Variants in CNTNAP5 observed in about 807,000 individuals in gnomAD.
The protein encoded by CNTNAP5 is contactin associated protein family member 5.
In CNTNAP5, 72 loss-of-function variants were observed where a neutral mutation model predicts 150.2. The observed-to-expected ratio is 0.48, with a 90% CI of 0.40 to 0.58. The LOEUF is 0.58. Among genes scored for constraint, CNTNAP5 ranks in the 20% least tolerant of loss-of-function variants. The probability of loss-of-function intolerance (pLI) is 0.00; values close to 1 mark genes in which losing one functional copy is unlikely to be tolerated. For synonymous variants in CNTNAP5, 672 were observed against 619.8 expected (o/e 1.08, Z -1.25); for missense variants, 1,636 against 1,626.2 (o/e 1.01, Z -0.10).
intron 11 of CNTNAP5, among the ~76,000 whole-genome samples, chr2:124,574,200 G>A (rs1158686712): frequency 1.3e-5 from 2 of 152,064 alleles, no homozygotes; most frequent in Non-Finnish European, 2.9e-5. Context: ...TTGCGGGGGG[G>A]ACGGGGGATA....
intron 1 of CNTNAP5, among the ~76,000 whole-genome samples, chr2:124,039,668 G>A (rs557971252): frequency 3.0e-4 from 45 of 152,136 alleles, no homozygotes; most frequent in African/African-American, 6.0e-4. Context: ...TGTTTACTTC[G>A]GGTGCCATTC....
At chr2:124,049,587 T>A (rs553308377) in intron 1 of CNTNAP5, among the ~76,000 whole-genome samples, 1 of 152,328 alleles carries the variant, frequency 6.6e-6, no homozygotes, top group East Asian at 1.9e-4. Context: ...CATCTGAATT[T>A]AAACACAGGC....
chr2:124,576,172 ATAT>A (rs1696279161), intron 11 of CNTNAP5, among the ~76,000 whole-genome samples: 1 of 149,056 alleles, frequency 6.7e-6, no homozygotes, highest in African/African-American at 2.5e-5. Flanking sequence ...CTATATCTAT[ATAT>A]ATGTGCAGAA....
chr2:124,914,083 T>A lies in CNTNAP5; in HGVS notation c.3728-9T>A. ...TTTCCTTCTCTCTTTCCTTCCCCTT[T>A]CTCTCCAGGGGTGATAGCAGTGGTG... is the stretch of plus-strand genomic sequence containing the variant. On this transcript the variant is annotated splice_polypyrimidine_tract_variant and intron_variant, in intron 23 of 23. Transcript: ENST00000682447. 1 of 1,600,328 alleles carries A rather than the reference T, an allele frequency of 6.2e-7. No individual in the cohort carries two copies. The highest frequency in any genetic ancestry group is 8.5e-7 in the Non-Finnish European group (1 of 1,170,170).
rs1418679816 is a variant in CNTNAP5 at position 124,033,597 on chromosome 2, A to AG, written c.82+7866dup. Among the ~76,000 whole-genome samples the AG allele has an allele frequency of 2.0e-5, 3 of 152,212 alleles. No homozygotes were observed. The East Asian group carries it at 5.8e-4, about 29-fold the overall frequency. ...AAGGGTAAGAAGTCTTTGAGATTCC[A>AG]GTGCTGCCTTGCTAAACAACATGGG... On this transcript the variant is annotated intron_variant, in intron 1 of 23. Transcript: ENST00000682447.
At chr2:124,807,847 G>C (rs1287092064) in intron 19 of CNTNAP5, among the ~76,000 whole-genome samples, 1 of 152,002 alleles carries the variant, frequency 6.6e-6, no homozygotes, top group South Asian at 2.1e-4. Context: ...TCAAGAGAGG[G>C]GCCAGGCAGA....
At chr2:124,270,720 T>G (rs140816431) in intron 3 of CNTNAP5, among the ~76,000 whole-genome samples, 2 of 152,174 alleles carry the variant, frequency 1.3e-5, no homozygotes, top group Non-Finnish European at 2.9e-5. Context: ...TGTGTGTGTT[T>G]TAGGCCAAGA....
At chr2:124,242,850 G>T (rs1226702141) in intron 3 of CNTNAP5, among the ~76,000 whole-genome samples, 7 of 152,100 alleles carry the variant, frequency 4.6e-5, no homozygotes, top group Admixed American at 4.6e-4. Flanking sequence ...ATTGTGACTT[G>T]GTAATCTTTA....
chr2:124,839,816 C>T (rs2104691139), intron 19 of CNTNAP5, among the ~76,000 whole-genome samples: 1 of 152,238 alleles, frequency 6.6e-6, no homozygotes, highest in East Asian at 1.9e-4. Context: ...CTAGAATGTA[C>T]TGTCAATTGT....
chr2:124,567,179 C>T (rs930943848), intron 11 of CNTNAP5, among the ~76,000 whole-genome samples: 15 of 152,026 alleles, frequency 9.9e-5, no homozygotes, highest in Non-Finnish European at 2.9e-5. Flanking sequence ...TTTTGTCCAG[C>T]CTTTGTGGAT....
At chr2:124,217,665 T>C (rs993701052) in intron 1 of CNTNAP5, among the ~76,000 whole-genome samples, 10 of 152,212 alleles carry the variant, frequency 6.6e-5, no homozygotes, top group African/African-American at 2.4e-4. Flanking sequence ...CTATTTATGA[T>C]ACCAATTTGT....
chr2:124,182,926 C>A (rs1685243639), intron 1 of CNTNAP5, among the ~76,000 whole-genome samples: 1 of 152,156 alleles, frequency 6.6e-6, no homozygotes, highest in African/African-American at 2.4e-5. Context: ...TTACAGTTTG[C>A]CTTCCTTACC....
Position 124,229,894 on chromosome 2 carries a change from T to A in CNTNAP5, c.187+8085T>A, listed in dbSNP as rs540204839. On this transcript the variant is annotated intron_variant, in intron 2 of 23. Transcript: ENST00000682447. ...GAGAGGTTTGTATTTTTCTATTGCA[T>A]GTTTTTTTTTTCCAAATAGAGTTTG... 2.1e-5 allele frequency among the ~76,000 whole-genome samples: 3 copies of A among 145,186 alleles called. No homozygotes were observed. The East Asian group carries it at 6.2e-4, about 30-fold the overall frequency.
At chr2:124,106,403 G>A (rs2420554) in intron 1 of CNTNAP5, among the ~76,000 whole-genome samples, 1 of 152,062 alleles carries the variant, frequency 6.6e-6, no homozygotes. Flanking sequence ...CTTTAAGCCC[G>A]ACCTCCCAAC....
intron 19 of CNTNAP5, among the ~76,000 whole-genome samples, chr2:124,843,018 C>G (rs1340609869): frequency 6.6e-6 from 1 of 151,980 alleles, no homozygotes; most frequent in Admixed American, 6.6e-5. Context: ...AAGCATTGTA[C>G]ATGGTACCCA....
At chr2:124,503,450 C>T (rs527771333) in intron 7 of CNTNAP5, among the ~76,000 whole-genome samples, 38 of 152,282 alleles carry the variant, frequency 2.5e-4, no homozygotes, top group African/African-American at 8.9e-4. Context: ...CTTGTGGGAT[C>T]CTTACCTTTT....
At chr2:124,587,320 G>T (rs895713079) in intron 11 of CNTNAP5, among the ~76,000 whole-genome samples, 3 of 152,092 alleles carry the variant, frequency 2.0e-5, no homozygotes, top group Admixed American at 6.6e-5. Context: ...ATTTGAAATG[G>T]ATTACAATGA....
intron 1 of CNTNAP5, among the ~76,000 whole-genome samples, chr2:124,079,606 A>C (rs1682514236): frequency 6.6e-6 from 1 of 152,204 alleles, no homozygotes; most frequent in African/African-American, 2.4e-5. Context: ...GTGAGACTTG[A>C]CTAGCATTTT....
intron 3 of CNTNAP5, among the ~76,000 whole-genome samples, chr2:124,322,079 G>A (rs1316203902): frequency 1.3e-5 from 2 of 151,982 alleles, no homozygotes; most frequent in Non-Finnish European, 2.9e-5. Flanking sequence ...GAACTTGGGA[G>A]GCGGAGGTTG....
Sources: allele counts gnomAD v4.1 joint callset (sites outside exome capture counted in the v4.1 genomes callset), GRCh38; gene constraint gnomAD v4.1.1; transcripts MANE v1.5; gene names NCBI Gene and HGNC (gene_info 2026-07-23, HGNC 2026-07-21).